The following AOPEP variants were observed in gnomAD, a reference collection of about 807,000 sequenced individuals.
The protein encoded by AOPEP is aminopeptidase O.
AOPEP carries 77 observed loss-of-function variants against 98.1 expected under a neutral mutation model. That is an observed-to-expected ratio of 0.78 (90% confidence interval 0.65 to 0.95). The LOEUF (loss-of-function observed/expected upper bound fraction) is 0.95, where lower values mean the gene tolerates loss of function less well. Among genes scored for constraint, AOPEP ranks in the 40% least tolerant of loss-of-function variants. The probability of loss-of-function intolerance (pLI) is 0.00; values close to 1 mark genes in which losing one functional copy is unlikely to be tolerated. For synonymous variants in AOPEP, 346 were observed against 365.3 expected, an observed-to-expected ratio of 0.95 and a Z score of 0.60; for missense variants, 1,024 against 1,024.7, an observed-to-expected ratio of 1.00 and a Z score of 0.01.
intron 3 of AOPEP, among the ~76,000 whole-genome samples, chr9:94,776,662 C>G (rs1431234040): frequency 6.6e-6 from 1 of 152,166 alleles, no homozygotes; most frequent in Non-Finnish European, 1.5e-5. Flanking sequence ...ATTTAGTTAA[C>G]CAATATCTCT....
chr9:94,789,891 T>G (rs558085658), intron 3 of AOPEP, among the ~76,000 whole-genome samples: 1 of 97,872 alleles, frequency 1.0e-5, no homozygotes, highest in South Asian at 4.2e-4. Flanking sequence ...TTTTTTTTTT[T>G]TAGACGGAGT....
At chr9:95,123,425 A>G in the AOPEP span, 1 of 456,808 alleles carries the variant, frequency 2.2e-6, no homozygotes, top group Non-Finnish European at 4.4e-6. Context: ...AGATTGCTTG[A>G]GCCTCAGAGG....
At chr9:95,070,698 C>G (rs1182496918) in intron 14 of AOPEP, among the ~76,000 whole-genome samples, 1 of 152,268 alleles carries the variant, frequency 6.6e-6, no homozygotes, top group African/African-American at 2.4e-5. Flanking sequence ...ATAAATACAT[C>G]AGACTAGCGG....
chr9:95,003,755 G>T (rs1260982178), intron 11 of AOPEP, among the ~76,000 whole-genome samples: 1 of 152,138 alleles, frequency 6.6e-6, no homozygotes. Flanking sequence ...CACACATTTC[G>T]TAGCACTTAG....
chr9:95,055,423 A>G (rs1170574100), intron 13 of AOPEP, among the ~76,000 whole-genome samples: 2 of 152,168 alleles, frequency 1.3e-5, no homozygotes, highest in Non-Finnish European at 2.9e-5. Context: ...ATTTTGCCTT[A>G]TTGGCAAAAA....
chr9:94,903,074 G>A lies in AOPEP; in HGVS notation c.1365-20912G>A, dbSNP rs190694886. Among the ~76,000 whole-genome samples, 992 of 151,294 alleles carry A rather than the reference G, an allele frequency of 6.6e-3. 12 individuals carry two copies. Among genetic ancestry groups the A allele is most frequent in the African/African-American group, 0.022 (913 of 41,242 alleles). On this transcript the variant is annotated intron_variant, in intron 5 of 16. Transcript: ENST00000375315. ...TGGCTCATTGTAACCTCTGCCCCCC[G>A]GGTTCAAGCACTTCTCCTGCCTCAG...
Position 95,022,067 on chromosome 9 carries a change from C to T in AOPEP, c.2115+16451C>T, listed in dbSNP as rs554371578. On this transcript the variant is annotated intron_variant, in intron 13 of 16. Transcript: ENST00000375315. ...ATGGGAGGGGAGAAGAGAGTAGTCG[C>T]AAGTGATTGTTGTAGATTTTGTCTC... 9.8e-5 allele frequency: 15 copies of T among 152,314 alleles called. No individual in the cohort carries two copies. In the South Asian group the frequency reaches 2.3e-3, roughly 23 times the overall value. The allele number at this position is 152,314 out of a possible 1,614,324, so 9.4% of individuals were successfully genotyped here.
At position 94,829,667 on chromosome 9, in the gene AOPEP, C is replaced by G. The variant is rs1439064546; in HGVS notation, c.1364+28665C>G. 2.6e-5 allele frequency among the ~76,000 whole-genome samples: 4 copies of G among 152,140 alleles called. No homozygotes were observed. The East Asian group carries it at 7.7e-4, about 29-fold the overall frequency. On this transcript the variant is annotated intron_variant, in intron 5 of 16. Transcript: ENST00000375315. ...AAAACACCCTTGTGAGTCCCCTCCA[C>G]TCACCCTGGCCACATGTCAGATATG...
Position 94,760,019 on chromosome 9 carries a change from C to T in AOPEP, c.236C>T (p.Pro79Leu), listed in dbSNP as rs1172062290. ...GCCTGCAAATTTGGGATGCCTGAACCCTGCCATATTCCCGTGACAAATGCA... is the reference window on the plus strand; with the variant it reads ...GCCTGCAAATTTGGGATGCCTGAACTCTGCCATATTCCCGTGACAAATGCA... ...NKACKFGMPE[P>L]CHIPVTNART... is the part of the protein sequence containing the mutation. Residue 79 changes from proline to leucine, a missense_variant, in exon 2 of 17, where the codon CCC (proline) becomes CTC (leucine). Around this residue, in one of 3 missense-constraint regions of AOPEP, gnomAD observed 440 missense variants for 433.8 expected, o/e 1.01. Transcript: ENST00000375315. 1 of 1,614,176 alleles carries T rather than the reference C, an allele frequency of 6.2e-7. No homozygotes were observed.
intron 5 of AOPEP, chr9:94,903,944 C>G (rs1424037878): frequency 6.8e-6 from 1 of 147,550 alleles, no homozygotes; most frequent in African/African-American, 2.5e-5. Context: ...TTACAGTGAG[C>G]TATGATTGTG....
intron 5 of AOPEP, among the ~76,000 whole-genome samples, chr9:94,811,037 A>G (rs1850466341): frequency 6.6e-6 from 1 of 152,118 alleles, no homozygotes; most frequent in South Asian, 2.1e-4. Context: ...TACCCCTGTC[A>G]CATGTCTTTA....
chr9:95,107,261 C>T, the AOPEP span: 2 of 1,613,698 alleles, frequency 1.2e-6, no homozygotes, highest in African/African-American at 2.7e-5. Context: ...GCACGGCCTT[C>T]ACCTGGACCT....
chr9:94,883,993 CA>C (rs1564317887), intron 5 of AOPEP, among the ~76,000 whole-genome samples: 14 of 152,164 alleles, frequency 9.2e-5, no homozygotes. Flanking sequence ...GACTAGACCC[CA>C]AGATAGAGTT....
At chr9:94,823,006 T>C (rs941488017) in intron 5 of AOPEP, among the ~76,000 whole-genome samples, 93 of 135,466 alleles carry the variant, frequency 6.9e-4, no homozygotes, top group Non-Finnish European at 1.2e-3. Context: ...TTTTTTTTTT[T>C]CTTTTGTGAG....
intron 5 of AOPEP, among the ~76,000 whole-genome samples, chr9:94,816,598 C>T (rs1851749295): frequency 6.6e-6 from 1 of 152,100 alleles, no homozygotes; most frequent in South Asian, 2.1e-4. Context: ...TCTGTTCCTT[C>T]AGTAGGGAGG....
At chr9:94,896,317 GAATA>G (rs889338232) in intron 5 of AOPEP, among the ~76,000 whole-genome samples, 1 of 152,188 alleles carries the variant, frequency 6.6e-6, no homozygotes, top group African/African-American at 2.4e-5. Flanking sequence ...ATTATGGAAT[GAATA>G]AATAAGAATC....
chr9:94,944,980 C>G (rs2057455343), intron 7 of AOPEP, among the ~76,000 whole-genome samples: 1 of 152,030 alleles, frequency 6.6e-6, no homozygotes, highest in South Asian at 2.1e-4. Context: ...CCCCTGTAGC[C>G]TGGTGGGGTT....
chr9:95,106,984 A>G, the AOPEP span: 2 of 1,358,958 alleles, frequency 1.5e-6, no homozygotes, highest in Non-Finnish European at 2.1e-6. Flanking sequence ...CACTGTGCAG[A>G]GGCCAGACCC....
At chr9:94,942,491 C>T (rs1048317221) in intron 7 of AOPEP, among the ~76,000 whole-genome samples, 1 of 152,074 alleles carries the variant, frequency 6.6e-6, no homozygotes, top group Middle Eastern at 3.2e-3. Context: ...AGTTCTTGCC[C>T]CTTTCAAGTC....
Sources: gnomAD v4.1 joint callset for allele counts (sites outside exome capture counted in the v4.1 genomes callset) on GRCh38, gnomAD v4.1.1 for gene constraint, gnomAD v4.1.1 regional missense constraint, MANE v1.5 for transcripts, NCBI Gene and HGNC (gene_info 2026-07-23, HGNC 2026-07-21) for gene names.